WASHC3: variants seen among roughly 807,000 people sequenced by gnomAD.
WASHC3 encodes the protein WASH complex subunit CCDC53.
In WASHC3, 24 loss-of-function variants were observed where a neutral mutation model predicts 26.1. That is an observed-to-expected ratio of 0.92 (90% CI 0.66 to 1.29). The LOEUF is 1.29. Ranked by LOEUF, WASHC3 falls within the 50% of genes most tolerant of loss-of-function variation. The probability of loss-of-function intolerance (pLI) is 0.00; values close to 1 mark genes in which losing one functional copy is unlikely to be tolerated. For synonymous variants in WASHC3, 77 were observed against 75.7 expected (o/e 1.02, Z -0.09); for missense variants, 214 against 229.6 (o/e 0.93, Z 0.44).
intron 6 of WASHC3, among the ~76,000 whole-genome samples, chr12:102,014,075 CTTTTTTT>C (rs1189181874): frequency 3.4e-5 from 3 of 88,726 alleles, no homozygotes; most frequent in East Asian, 4.1e-4. Context: ...ACTGCTACAT[CTTTTTTT>C]TTTTTTTTTT....
intron 1 of WASHC3, 114 bp from the exon 2 acceptor site, chr12:102,061,460 A>T: frequency 1.4e-6 from 1 of 716,830 alleles, no homozygotes. Flanking sequence ...AATTTCTTGA[A>T]GGACTGGGAA....
At chr12:102,026,489 T>C (rs1877197109) in intron 5 of WASHC3, among the ~76,000 whole-genome samples, 1 of 152,186 alleles carries the variant, frequency 6.6e-6, no homozygotes, top group Non-Finnish European at 1.5e-5. Context: ...AAGAGTCCAA[T>C]TCCATTTGAA....
chr12:102,053,619 A>G (rs2136687747), intron 2 of WASHC3, among the ~76,000 whole-genome samples: 1 of 152,360 alleles, frequency 6.6e-6, no homozygotes, highest in African/African-American at 2.4e-5. Context: ...TTCACAACGA[A>G]TCCAAAATTA....
At chr12:102,034,897 G>T (rs745308457) in intron 5 of WASHC3, among the ~76,000 whole-genome samples, 1 of 151,830 alleles carries the variant, frequency 6.6e-6, no homozygotes, top group African/African-American at 2.4e-5. Flanking sequence ...AGAAACTTGT[G>T]TATGAGAACT....
At chr12:102,050,074 T>C (rs1878325248) in intron 2 of WASHC3, 7 of 210,616 alleles carry the variant, frequency 3.3e-5, no homozygotes, top group Non-Finnish European at 2.0e-5. Context: ...TCCTAGTACT[T>C]TGGGAGGCCG....
At chr12:102,043,281 T>C (rs1236199482) in intron 4 of WASHC3, among the ~76,000 whole-genome samples, 1 of 152,162 alleles carries the variant, frequency 6.6e-6, no homozygotes, top group Non-Finnish European at 1.5e-5. Flanking sequence ...ATTTATTTTT[T>C]ATTTTTGAGG....
chr12:102,038,344 G>T (rs184974079), intron 5 of WASHC3, among the ~76,000 whole-genome samples: 22 of 152,276 alleles, frequency 1.4e-4, no homozygotes, highest in African/African-American at 5.3e-4. Flanking sequence ...CAATTATCAA[G>T]AATTTAACAG....
At chr12:102,031,898 T>C (rs1421294164) in intron 5 of WASHC3, among the ~76,000 whole-genome samples, 1 of 152,256 alleles carries the variant, frequency 6.6e-6, no homozygotes, top group Non-Finnish European at 1.5e-5. Flanking sequence ...CCTTTTTGAC[T>C]ATACTTTGAC....
intron 4 of WASHC3, chr12:102,043,845 G>A (rs192772507): frequency 3.4e-4 from 63 of 185,472 alleles, no homozygotes; most frequent in African/African-American, 1.5e-3. Flanking sequence ...TAATTATTTT[G>A]AAGAAAATAA....
At chr12:102,023,838 C>T (rs954115116) in intron 6 of WASHC3, among the ~76,000 whole-genome samples, 1 of 152,056 alleles carries the variant, frequency 6.6e-6, no homozygotes, top group African/African-American at 2.4e-5. Context: ...GGAATTCTAC[C>T]CTTAAACTTG....
chr12:102,014,609 T>C (rs1876620424), intron 6 of WASHC3, among the ~76,000 whole-genome samples: 1 of 152,236 alleles, frequency 6.6e-6, no homozygotes, highest in Non-Finnish European at 1.5e-5. Context: ...CATTGCTCCC[T>C]AGTTGTCAAA....
chr12:102,014,075 C>CTTTTTTTT (rs1189181874), intron 6 of WASHC3, among the ~76,000 whole-genome samples: 7 of 88,726 alleles, frequency 7.9e-5, no homozygotes, highest in Non-Finnish European at 1.2e-4. Context: ...ACTGCTACAT[C>CTTTTTTTT]TTTTTTTTTT....
chr12:102,055,482 A>C (rs1336485196), intron 2 of WASHC3, among the ~76,000 whole-genome samples: 2 of 152,166 alleles, frequency 1.3e-5, no homozygotes, highest in Non-Finnish European at 2.9e-5. Context: ...AGTAGGTGGG[A>C]ATACAGGTGT....
chr12:102,025,058 C>G (rs938244208), intron 6 of WASHC3, among the ~76,000 whole-genome samples: 17 of 152,080 alleles, frequency 1.1e-4, no homozygotes, highest in African/African-American at 4.1e-4. Flanking sequence ...CATATTTTGG[C>G]AGATAAAATA....
At chr12:102,032,908 T>C (rs1164021639) in intron 5 of WASHC3, among the ~76,000 whole-genome samples, 3 of 152,272 alleles carry the variant, frequency 2.0e-5, no homozygotes, top group African/African-American at 7.2e-5. Flanking sequence ...TCTCAGAGGG[T>C]AGTAATCCAG....
At chr12:102,032,032 T>G (rs1263960284) in intron 5 of WASHC3, among the ~76,000 whole-genome samples, 3 of 152,194 alleles carry the variant, frequency 2.0e-5, no homozygotes, top group African/African-American at 7.2e-5. Flanking sequence ...TGTATCTTGT[T>G]TGTCATCTAA....
Position 102,061,262 on chromosome 12 carries a change from T to TG in WASHC3, c.135_136insC (p.Thr46HisfsTer4). 2 of 1,613,558 alleles carry TG rather than the reference T, an allele frequency of 1.2e-6. No homozygotes were observed. Among genetic ancestry groups the TG allele is most frequent in the Non-Finnish European group, 1.7e-6 (2 of 1,179,528 alleles). ...ACCGGACCTACCTCCTCACAAACTG[T>TG]AGAAAAGCGGTTGAGGAACTGTACA... On this transcript the variant is annotated frameshift_variant, in exon 2 of 7. Coordinates refer to ENST00000240079, the MANE Select transcript of WASHC3 (RefSeq NM_016053.4). LOFTEE classifies it high-confidence loss of function.
chr12:102,015,820 C>T (rs1286415214), intron 6 of WASHC3, among the ~76,000 whole-genome samples: 4 of 152,170 alleles, frequency 2.6e-5, no homozygotes, highest in African/African-American at 7.2e-5. Context: ...CTGCATAGGA[C>T]GGTGGTCCCA....
At chr12:102,054,810 A>G (rs997852486) in intron 2 of WASHC3, among the ~76,000 whole-genome samples, 1 of 152,200 alleles carries the variant, frequency 6.6e-6, no homozygotes, top group Non-Finnish European at 1.5e-5. Context: ...CTCCTAAACA[A>G]CCAATAGGTC....
Sources: gnomAD v4.1 joint callset for allele counts (sites outside exome capture counted in the v4.1 genomes callset) on GRCh38, gnomAD v4.1.1 for gene constraint, MANE v1.5 for transcripts, NCBI Gene and HGNC (gene_info 2026-07-23, HGNC 2026-07-21) for gene names.